GRM7: variants seen among roughly 807,000 people sequenced by gnomAD.
The protein encoded by GRM7 is glutamate metabotropic receptor 7, also known as metabotropic glutamate receptor 7.
GRM7 carries 35 observed loss-of-function variants against 84.5 expected under a neutral mutation model. The ratio of observed to expected loss-of-function variants is 0.41; its 90% CI spans 0.32 to 0.55. GRM7 has a LOEUF of 0.55. GRM7 is among the 20% of genes least tolerant of loss of function. The pLI, the probability that GRM7 is intolerant of heterozygous loss-of-function variation, is 0.19. For synonymous variants in GRM7, 487 were observed against 455.1 expected (o/e 1.07, Z -0.89); for missense variants, 1,003 against 1,194.6 (o/e 0.84, Z 2.36).
At chr3:7,284,442 A>G (rs935701426) in intron 2 of GRM7, among the ~76,000 whole-genome samples, 6 of 152,282 alleles carry the variant, frequency 3.9e-5, no homozygotes, top group Non-Finnish European at 5.9e-5. Context: ...GTCATCTGCT[A>G]TGAATGGAGA....
At chr3:7,009,448 G>C (rs946783248) in intron 1 of GRM7, among the ~76,000 whole-genome samples, 2 of 152,346 alleles carry the variant, frequency 1.3e-5, no homozygotes, top group South Asian at 4.1e-4. Flanking sequence ...GTTGCAGTAA[G>C]AATAGGATTC....
intron 7 of GRM7, among the ~76,000 whole-genome samples, chr3:7,515,901 G>C (rs73017847): frequency 0.032 from 4,879 of 152,176 alleles, 115 homozygotes; most frequent in Non-Finnish European, 0.045. Context: ...CCAGCACTTT[G>C]GGAGACAGAG....
intron 1 of GRM7, among the ~76,000 whole-genome samples, chr3:6,935,445 C>T (rs1285375130): frequency 2.0e-5 from 3 of 151,558 alleles, no homozygotes; most frequent in Non-Finnish European, 4.4e-5. Flanking sequence ...CCTGAAATCT[C>T]CCACCCTAAG....
chr3:6,923,503 A>G (rs1482610001), intron 1 of GRM7, among the ~76,000 whole-genome samples: 5 of 152,230 alleles, frequency 3.3e-5, no homozygotes, highest in Non-Finnish European at 7.3e-5. Flanking sequence ...ACATTGGATT[A>G]ACATAGCAAA....
At chr3:7,732,348 T>A (rs576588085) in intron 9 of GRM7, among the ~76,000 whole-genome samples, 1 of 152,206 alleles carries the variant, frequency 6.6e-6, no homozygotes, top group South Asian at 2.1e-4. Context: ...ATACTTAAAG[T>A]TCTAATGTCA....
In GRM7 at chr3:6,911,690, G is replaced by T. The variant is rs373108881; in HGVS notation, c.519+49783G>T. Among the ~76,000 whole-genome samples the T allele has an allele frequency of 2.6e-5, 4 of 152,096 alleles. No homozygotes were observed. In the East Asian group the frequency reaches 7.7e-4, roughly 29 times the overall value. On this transcript the variant is annotated intron_variant, in intron 1 of 9. Coordinates refer to ENST00000357716, the MANE Select transcript of GRM7 (RefSeq NM_000844.4). ...TAAGAAGGGATTTTTCATGGCTAATGAAAACTTCTACTTTAGCTCTTGCTT... is the reference window on the plus strand; with the variant it reads ...TAAGAAGGGATTTTTCATGGCTAATTAAAACTTCTACTTTAGCTCTTGCTT...
intron 2 of GRM7, among the ~76,000 whole-genome samples, chr3:7,255,419 G>T (rs1251742534): frequency 2.0e-5 from 3 of 152,108 alleles, no homozygotes; most frequent in African/African-American, 4.8e-5. Flanking sequence ...TTCAGTTTTT[G>T]GATCCTTCAT....
chr3:7,185,369 A>G (rs983962073), intron 2 of GRM7, among the ~76,000 whole-genome samples: 2 of 152,166 alleles, frequency 1.3e-5, no homozygotes, highest in Non-Finnish European at 2.9e-5. Flanking sequence ...TATTATGTCC[A>G]GAAGTTCTTG....
Position 7,394,995 on chromosome 3 carries a change from G to A in GRM7, c.1034-20028G>A, listed in dbSNP as rs540741350. Among the ~76,000 whole-genome samples the A allele has an allele frequency of 5.2e-4, 78 of 149,284 alleles. 1 individual carries two copies. The highest frequency in any genetic ancestry group is 2.5e-3 in the South Asian group (12 of 4,730). On this transcript the variant is annotated intron_variant, in intron 4 of 9. Transcript: ENST00000357716. Reference sequence around the variant, plus strand: ...GGAGGTTGCAGTGAGCTGAAATTGCGCCATTGCACTCCAGCCTGAGCAACA... The same window carrying A: ...GGAGGTTGCAGTGAGCTGAAATTGCACCATTGCACTCCAGCCTGAGCAACA...
intron 1 of GRM7, among the ~76,000 whole-genome samples, chr3:7,036,530 A>T (rs1399569279): frequency 6.6e-6 from 1 of 152,226 alleles, no homozygotes; most frequent in Non-Finnish European, 1.5e-5. Context: ...TTCATTAAAA[A>T]TATCATCTAG....
At chr3:7,143,902 C>T (rs1694027647) in intron 1 of GRM7, among the ~76,000 whole-genome samples, 1 of 152,006 alleles carries the variant, frequency 6.6e-6, no homozygotes, top group African/African-American at 2.4e-5. Flanking sequence ...CCCTCTTTTC[C>T]TCCCTCTTCT....
At chr3:6,884,868 G>C (rs1695633586) in intron 1 of GRM7, among the ~76,000 whole-genome samples, 1 of 152,106 alleles carries the variant, frequency 6.6e-6, no homozygotes, top group Non-Finnish European at 1.5e-5. Flanking sequence ...AAAGTGCTGG[G>C]ATTACAGGCG....
chr3:6,956,282 G>T (rs1236629466), intron 1 of GRM7, among the ~76,000 whole-genome samples: 1 of 152,192 alleles, frequency 6.6e-6, no homozygotes, highest in Non-Finnish European at 1.5e-5. Flanking sequence ...GTCGAAAGGG[G>T]TTCTGATCTA....
At chr3:7,142,786 G>A (rs9860677) in intron 1 of GRM7, among the ~76,000 whole-genome samples, 80,140 of 151,936 alleles carry the variant, frequency 0.53, 23,124 homozygotes, top group African/African-American at 0.78. Context: ...TTTATAAATA[G>A]CATATGTTGT....
chr3:6,913,908 C>T (rs1287413140), intron 1 of GRM7, among the ~76,000 whole-genome samples: 2 of 152,112 alleles, frequency 1.3e-5, no homozygotes, highest in Non-Finnish European at 2.9e-5. Flanking sequence ...AACAGTCTGC[C>T]AGATAAAATA....
chr3:7,026,064 A>C (rs529764569), intron 1 of GRM7, among the ~76,000 whole-genome samples: 1 of 152,298 alleles, frequency 6.6e-6, no homozygotes, highest in Non-Finnish European at 1.5e-5. Flanking sequence ...CACCTAATTT[A>C]TATCCTAAGC....
chr3:7,439,018 TAAGTTCATCAGTGGTTGATAG>T, intron 5 of GRM7, among the ~76,000 whole-genome samples: 1 of 152,244 alleles, frequency 6.6e-6, no homozygotes, highest in East Asian at 1.9e-4. Flanking sequence ...ATACAAAGCA[TAAGTTCATCAGTGGTTGATAG>T]TTAATGTCAT....
chr3:7,463,358 T>C (rs1237599642), intron 7 of GRM7, among the ~76,000 whole-genome samples: 2 of 152,192 alleles, frequency 1.3e-5, no homozygotes, highest in African/African-American at 4.8e-5. Context: ...TTAACACTGA[T>C]TTTATTTTTA....
chr3:7,361,478 G>A (rs1180480006), intron 4 of GRM7, among the ~76,000 whole-genome samples: 1 of 151,964 alleles, frequency 6.6e-6, no homozygotes, highest in Admixed American at 6.6e-5. Flanking sequence ...CTTTTTACAT[G>A]GCATAACTGT....
Sources: allele counts gnomAD v4.1 joint callset (sites outside exome capture counted in the v4.1 genomes callset), GRCh38; gene constraint gnomAD v4.1.1; transcripts MANE v1.5; gene names NCBI Gene and HGNC (gene_info 2026-07-23, HGNC 2026-07-21).